Variants in TRIM10 observed in about 807,000 individuals in gnomAD.
The protein encoded by TRIM10 is tripartite motif containing 10, also known as tripartite motif-containing protein 10.
A neutral mutation model predicts 40.0 loss-of-function variants in TRIM10; 42 were observed. The observed-to-expected ratio is 1.05, with a 90% CI of 0.82 to 1.36. TRIM10 has a LOEUF of 1.36. Among genes scored for constraint, TRIM10 ranks in the 40% most tolerant of loss-of-function variants. TRIM10 has a pLI of 0.00. For synonymous variants in TRIM10, 260 were observed against 239.5 expected, an observed-to-expected ratio of 1.09 and a Z score of -0.79; for missense variants, 601 against 608.3, an observed-to-expected ratio of 0.99 and a Z score of 0.13.
At chr6:30,163,966 C>T (rs143039782), upstream of TRIM10, 11 of 1,613,106 alleles carry the variant, frequency 6.8e-6, no homozygotes, top group Admixed American at 1.7e-5. Context: ...ACTTCTTCTG[C>T]GAGAACGATG....
At chr6:30,155,688 G>A in intron 6 of TRIM10, 39 bp downstream of exon 6, 1 of 1,607,428 alleles carries the variant, frequency 6.2e-7, no homozygotes, top group Non-Finnish European at 8.5e-7. Context: ...CCTTTCCGAG[G>A]ACTTCTCATT....
At chr6:30,159,102 C>T (rs763759307) in intron 2 of TRIM10, 48 bp downstream of exon 2, 2 of 1,288,756 alleles carry the variant, frequency 1.6e-6, no homozygotes, top group Non-Finnish European at 2.3e-6. Context: ...CAGGAAGACA[C>T]TGGACCCTGA....
upstream of TRIM10, chr6:30,163,652 G>C (rs376378714): frequency 6.4e-7 from 1 of 1,572,642 alleles, no homozygotes; most frequent in East Asian, 2.2e-5. Flanking sequence ...GGGCTGAGGA[G>C]ACCGGAGTGG....
At chr6:30,155,480 C>T (rs1772446509) in intron 6 of TRIM10, among the ~76,000 whole-genome samples, 2 of 152,260 alleles carry the variant, frequency 1.3e-5, no homozygotes, top group South Asian at 2.1e-4. Flanking sequence ...CTTGTCCTTT[C>T]TTCATGTTTC....
Position 30,154,068 on chromosome 6 carries a change from G to C in TRIM10, c.1347C>G (p.Thr449=). 1 of 1,612,312 alleles carries C rather than the reference G, an allele frequency of 6.2e-7. No homozygotes were observed. Among genetic ancestry groups the C allele is most frequent in the Non-Finnish European group, 8.5e-7 (1 of 1,179,742 alleles). ...VGWVTFTNAV[T]REPIYTFTAS... ...CAGTGAAGGTGTAGATGGGCTCTCG[G>C]GTGACAGCGTTGGTGAAGGTCACCC... Residue 449 remains threonine, a synonymous_variant, in exon 7 of 7, where the codon ACC becomes ACG. Coordinates refer to ENST00000449742, the MANE Select transcript of TRIM10 (RefSeq NM_006778.4).
At position 30,161,067 on chromosome 6, in the gene TRIM10, G is replaced by T; in HGVS notation, c.-209C>A. The stretch of plus-strand genomic sequence containing the variant: ...CCAACAGCAGAGATGGGAAATAGCA[G>T]AGGAGAGGAAGGAAGAGGGGCTCAC... On this transcript the variant is annotated 5_prime_UTR_variant, in exon 1 of 7. The change creates a new upstream start codon in the 5' untranslated region. Transcript: ENST00000449742. 1 of 606,916 alleles carries T rather than the reference G, an allele frequency of 1.6e-6. No individual in the cohort carries two copies. The highest frequency in any genetic ancestry group is 2.9e-6 in the Non-Finnish European group (1 of 348,402). The allele number at this position is 606,916 out of a possible 1,614,324, so 37.6% of individuals were successfully genotyped here.
At chr6:30,161,678 G>A (rs770764672), upstream of TRIM10, among the ~76,000 whole-genome samples, 8 of 152,340 alleles carry the variant, frequency 5.3e-5, no homozygotes, top group Non-Finnish European at 1.0e-4. Flanking sequence ...AGAAAGCTGA[G>A]GCCCAGCCAG....
intron 1 of TRIM10, 110 bp downstream of exon 1, chr6:30,160,320 A>G (rs2127446293): frequency 1.7e-6 from 2 of 1,196,252 alleles, no homozygotes; most frequent in South Asian, 1.5e-5. Context: ...GTGATCATGT[A>G]AGTAAGGAGA....
Position 30,154,398 on chromosome 6 carries a change from C to T in TRIM10, c.1017G>A (p.Gln339=). Reference sequence around the variant, plus strand: ...AACGTTGGGGGTTGTCTGGTGAGTTCTGCCATTTGTAGGAGAACTGAGCTC... The same window carrying T: ...AACGTTGGGGGTTGTCTGGTGAGTTTTGCCATTTGTAGGAGAACTGAGCTC... ...HQRAQFSYKW[Q]NSPDNPQRFD... is the part of the protein sequence containing the mutation. Residue 339 remains glutamine, a synonymous_variant, in exon 7 of 7, where the codon CAG becomes CAA. Coordinates refer to ENST00000449742, the MANE Select transcript of TRIM10 (RefSeq NM_006778.4). 1 of 1,612,944 alleles carries T rather than the reference C, an allele frequency of 6.2e-7. No homozygotes were observed. The highest frequency in any genetic ancestry group is 8.5e-7 in the Non-Finnish European group (1 of 1,179,968).
chr6:30,163,554 T>TCTTTCTCTCTCTGTCTC, upstream of TRIM10: 1 of 1,136,860 alleles, frequency 8.8e-7, no homozygotes, highest in Non-Finnish European at 1.2e-6. Flanking sequence ...CTCTCTCTCT[T>TCTTTCTCTCTCTGTCTC]TCTCTCTCTC....
At chr6:30,157,657 C>CTTTTTT (rs9278596) in intron 3 of TRIM10, among the ~76,000 whole-genome samples, 22 of 77,836 alleles carry the variant, frequency 2.8e-4, no homozygotes, top group Non-Finnish European at 3.7e-4. Context: ...GGCTAATTTT[C>CTTTTTT]TTTTTTTTTT....
Position 30,158,410 on chromosome 6 carries a change from C to G in TRIM10, c.745G>C (p.Glu249Gln), listed in dbSNP as rs765727213. 9 of 1,613,024 alleles carry G rather than the reference C, an allele frequency of 5.6e-6. No homozygotes were observed. The South Asian group carries it at 9.9e-5, about 18-fold the overall frequency. Residue 249 changes from glutamate to glutamine, a missense_variant, in exon 3 of 7, where the codon GAG (glutamate) becomes CAG (glutamine). Coordinates refer to ENST00000449742, the MANE Select transcript of TRIM10 (RefSeq NM_006778.4). Reference protein sequence around the residue: ...LEEKNERPARELLTDIRSTLI... With the variant: ...LEEKNERPARQLLTDIRSTLI... ...GGTTCAGGCCTCACCGTCAGGAGCT[C>G]CCTTGCTGGCCTCTCATTCTTCTCC...
At chr6:30,163,609 T>C, upstream of TRIM10, 11 of 1,506,166 alleles carry the variant, frequency 7.3e-6, no homozygotes, top group Non-Finnish European at 9.8e-6. Flanking sequence ...TTCATGTAAG[T>C]GTGACTCGAT....
At chr6:30,157,297 C>T (rs1169522096) in intron 4 of TRIM10, 72 bp downstream of exon 4, 2 of 1,384,132 alleles carry the variant, frequency 1.4e-6, no homozygotes, top group Non-Finnish European at 2.0e-6. Context: ...ACCTGTGTGG[C>T]AATAACTAGG....
rs1402181571 is a variant in TRIM10, at chr6:30,157,037, C to A, written c.797G>T (p.Cys266Phe). 1 of 1,612,954 alleles carries A rather than the reference C, an allele frequency of 6.2e-7. No homozygotes were observed. The highest frequency in any genetic ancestry group is 2.2e-5 in the East Asian group (1 of 44,888). ...TGGCGACACAGCCACCGGTTTCCGG[C>A]ACTTTCTGGTTTCACATCTAGGGGC... The part of the protein sequence containing the change: ...STLIRCETRK[C>F]RKPVAVSPEL... The change falls in exon 5 of 7, where the codon TGC becomes TTC. Residue 266 changes from cysteine to phenylalanine, a missense_variant. Coordinates refer to ENST00000449742, the MANE Select transcript of TRIM10 (RefSeq NM_006778.4).
chr6:30,157,657 C>CTTT (rs9278596), intron 3 of TRIM10, among the ~76,000 whole-genome samples: 500 of 77,718 alleles, frequency 6.4e-3, no homozygotes, highest in Non-Finnish European at 8.2e-3. Flanking sequence ...GGCTAATTTT[C>CTTT]TTTTTTTTTT....
intron 6 of TRIM10, 87 bp from the exon 7 acceptor site, chr6:30,154,573 G>A: frequency 6.5e-7 from 1 of 1,535,234 alleles, no homozygotes; most frequent in Non-Finnish European, 8.9e-7. Context: ...GGCCCCTCCT[G>A]TTAGTGTTAT....
chr6:30,152,654 G>A lies in TRIM10; in HGVS notation c.*1315C>T, dbSNP rs1184936568. ...CCCTCCTCCCAGGAGACCCAGTAGGGAGATGACAGAGCATTGTAGTTTACA... is the reference window on the plus strand; with the variant it reads ...CCCTCCTCCCAGGAGACCCAGTAGGAAGATGACAGAGCATTGTAGTTTACA... On this transcript the variant is annotated 3_prime_UTR_variant, in exon 7 of 7. Coordinates refer to ENST00000449742, the MANE Select transcript of TRIM10 (RefSeq NM_006778.4). The A allele has an allele frequency of 6.7e-6, 1 of 149,974 alleles. No homozygotes were observed. Among genetic ancestry groups the A allele is most frequent in the African/African-American group, 2.4e-5 (1 of 41,120 alleles). The allele number at this position is 149,974 out of a possible 1,614,324, so 9.3% of individuals were successfully genotyped here.
In TRIM10 at chr6:30,152,584, AG is replaced by A. The variant is rs1379401922; in HGVS notation, c.*1384del. Reference sequence around the variant, plus strand: ...CAATTGAATTCTAAGCTTGGGCCTAAGCACGCTGTGCCCTCTGCCTTTGAGT... The same window carrying A: ...CAATTGAATTCTAAGCTTGGGCCTAACACGCTGTGCCCTCTGCCTTTGAGT... On this transcript the variant is annotated 3_prime_UTR_variant, in exon 7 of 7. Coordinates refer to ENST00000449742, the MANE Select transcript of TRIM10 (RefSeq NM_006778.4). The A allele has an allele frequency of 1.3e-5, 2 of 152,220 alleles. No homozygotes were observed. The highest frequency in any genetic ancestry group is 3.9e-4 in the East Asian group (2 of 5,192). The allele number at this position is 152,220 out of a possible 1,614,324, so 9.4% of individuals were successfully genotyped here. A position where few individuals can be genotyped will look rare whatever the true frequency, so the allele number is the denominator to read the frequency against.
Sources: gnomAD v4.1 joint callset for allele counts (sites outside exome capture counted in the v4.1 genomes callset) on GRCh38, gnomAD v4.1.1 for gene constraint, MANE v1.5 for transcripts, NCBI Gene and HGNC (gene_info 2026-07-23, HGNC 2026-07-21) for gene names.